Variants in BMAL1 observed in about 807,000 individuals in gnomAD.
The protein encoded by BMAL1 is basic helix-loop-helix ARNT like 1.
At chr11:13,284,077 G>GGTGTAT in the BMAL1 span, among the ~76,000 whole-genome samples, 1 of 85,632 alleles carries the variant, frequency 1.2e-5, no homozygotes, top group Non-Finnish European at 2.2e-5. Context: ...ACAGTGTTGG[G>GGTGTAT]GTGTGTGTGT....
the BMAL1 span, among the ~76,000 whole-genome samples, chr11:13,290,127 T>C: frequency 6.6e-6 from 1 of 152,262 alleles, no homozygotes; most frequent in Admixed American, 6.5e-5. Context: ...ATTTCTCTGA[T>C]GACCAGTGAT....
chr11:13,329,095 G>T, the BMAL1 span, among the ~76,000 whole-genome samples: 1 of 152,130 alleles, frequency 6.6e-6, no homozygotes, highest in Non-Finnish European at 1.5e-5. Flanking sequence ...GAGGGTCTCC[G>T]CTCTCATGGT....
chr11:13,359,916 CTGAA>C, the BMAL1 span, among the ~76,000 whole-genome samples: 2 of 152,178 alleles, frequency 1.3e-5, no homozygotes, highest in African/African-American at 4.8e-5. Context: ...GCCTGGAAGA[CTGAA>C]TGGTTTCCCA....
the BMAL1 span, among the ~76,000 whole-genome samples, chr11:13,332,111 C>G: frequency 6.6e-6 from 1 of 152,140 alleles, no homozygotes; most frequent in African/African-American, 2.4e-5. Context: ...GGATGTGAAC[C>G]ACCTACTACA....
At chr11:13,346,908 G>A in the BMAL1 span, among the ~76,000 whole-genome samples, 7 of 152,232 alleles carry the variant, frequency 4.6e-5, no homozygotes, top group Non-Finnish European at 1.0e-4. Flanking sequence ...CCTCTCAAAG[G>A]CACCTCTGTT....
the BMAL1 span, among the ~76,000 whole-genome samples, chr11:13,314,012 C>T: frequency 6.6e-6 from 1 of 151,742 alleles, no homozygotes; most frequent in Non-Finnish European, 1.5e-5. Flanking sequence ...CTGGGAATGG[C>T]GTGGTCTCTG....
the BMAL1 span, among the ~76,000 whole-genome samples, chr11:13,298,997 G>A: frequency 6.6e-6 from 1 of 152,172 alleles, no homozygotes; most frequent in African/African-American, 2.4e-5. Context: ...GCCCCCAGCT[G>A]GCATGTGGTA....
At chr11:13,341,226 C>T in the BMAL1 span, among the ~76,000 whole-genome samples, 1 of 152,218 alleles carries the variant, frequency 6.6e-6, no homozygotes, top group Non-Finnish European at 1.5e-5. Context: ...CACTGCCTGG[C>T]CTTGCCAGGA....
At chr11:13,303,044 A>G in the BMAL1 span, among the ~76,000 whole-genome samples, 1 of 152,192 alleles carries the variant, frequency 6.6e-6, no homozygotes, top group African/African-American at 2.4e-5. Flanking sequence ...GCACTAAGCT[A>G]AGGGATTTAC....
the BMAL1 span, among the ~76,000 whole-genome samples, chr11:13,342,323 C>G: frequency 6.6e-6 from 1 of 152,112 alleles, no homozygotes; most frequent in African/African-American, 2.4e-5. Flanking sequence ...AGAGCCTGGG[C>G]TGCTTTCAGA....
the BMAL1 span, among the ~76,000 whole-genome samples, chr11:13,337,209 A>T: frequency 6.6e-6 from 1 of 152,232 alleles, no homozygotes; most frequent in East Asian, 1.9e-4. Flanking sequence ...AAATTGAGAA[A>T]TTATAACGTT....
chr11:13,377,836 C>T, the BMAL1 span, among the ~76,000 whole-genome samples: 1 of 152,238 alleles, frequency 6.6e-6, no homozygotes, highest in Non-Finnish European at 1.5e-5. Context: ...GGAATGCTTT[C>T]TCCTCCTTAC....
the BMAL1 span, among the ~76,000 whole-genome samples, chr11:13,324,707 A>C: frequency 2.6e-5 from 4 of 152,212 alleles, no homozygotes; most frequent in African/African-American, 9.6e-5. Flanking sequence ...TATTGCATTC[A>C]GCACTCTAGG....
the BMAL1 span, among the ~76,000 whole-genome samples, chr11:13,314,229 C>CCACACACACACACACACACACA: frequency 1.1e-3 from 148 of 138,740 alleles, no homozygotes; most frequent in East Asian, 2.7e-3. Context: ...AGGGTGGAGA[C>CCACACACACACACACACACACA]CACACACACA....
chr11:13,358,661 C>T, the BMAL1 span: 8 of 1,410,080 alleles, frequency 5.7e-6, no homozygotes, highest in Non-Finnish European at 7.5e-6. Context: ...CTAGAATGTT[C>T]CTATCCCTAA....
the BMAL1 span, among the ~76,000 whole-genome samples, chr11:13,377,340 C>G: frequency 6.6e-6 from 1 of 152,136 alleles, no homozygotes; most frequent in African/African-American, 2.4e-5. Flanking sequence ...TCAGAATATC[C>G]CAAGCTGATT....
At chr11:13,325,139 G>T in the BMAL1 span, among the ~76,000 whole-genome samples, 1 of 152,236 alleles carries the variant, frequency 6.6e-6, no homozygotes, top group African/African-American at 2.4e-5. Flanking sequence ...CTGGTCCAGG[G>T]AGAGACTGTT....
the BMAL1 span, among the ~76,000 whole-genome samples, chr11:13,360,951 A>AT: frequency 1.3e-5 from 2 of 152,170 alleles, no homozygotes; most frequent in African/African-American, 4.8e-5. Context: ...CCCTGTCTCT[A>AT]TTAAATATAT....
the BMAL1 span, among the ~76,000 whole-genome samples, chr11:13,308,509 G>T: frequency 1.3e-5 from 2 of 152,218 alleles, no homozygotes; most frequent in Non-Finnish European, 2.9e-5. Context: ...AAGAGGTGGG[G>T]AGATGAGGGA....
Sources: allele counts gnomAD v4.1 joint callset (sites outside exome capture counted in the v4.1 genomes callset), GRCh38; gene constraint gnomAD v4.1.1; transcripts MANE v1.5; gene names NCBI Gene and HGNC (gene_info 2026-07-23, HGNC 2026-07-21).